Variants in CAAP1 observed in about 807,000 individuals in gnomAD.
CAAP1 encodes conserved anti-apoptotic protein.
In CAAP1, 20 loss-of-function variants were observed where a neutral mutation model predicts 34.0. The observed-to-expected ratio is 0.59, with a 90% CI of 0.41 to 0.86. The LOEUF is 0.86. Ranked by LOEUF, CAAP1 falls within the 40% of genes least tolerant of loss-of-function variation. The probability of loss-of-function intolerance (pLI) is 0.00; values close to 1 mark genes in which losing one functional copy is unlikely to be tolerated. For missense variants in CAAP1, 538 were observed against 450.5 expected, an observed-to-expected ratio of 1.19 and a Z score of -1.76; for synonymous variants, 213 against 166.7, an observed-to-expected ratio of 1.28 and a Z score of -2.14.
intron 5 of CAAP1, among the ~76,000 whole-genome samples, chr9:26,856,491 A>C (rs1822872926): frequency 6.6e-6 from 1 of 152,254 alleles, no homozygotes; most frequent in Non-Finnish European, 1.5e-5. Flanking sequence ...CTTCCTAAGT[A>C]CAAACAATGC....
intron 1 of CAAP1, among the ~76,000 whole-genome samples, chr9:26,891,885 T>C (rs1281120924): frequency 1.3e-5 from 2 of 152,232 alleles, no homozygotes. Context: ...TTATGAACTT[T>C]TTTAAAACGG....
In CAAP1 at chr9:26,841,923, T is replaced by C. The variant is rs1822489050; in HGVS notation, c.*378A>G. 2 of 158,198 alleles carry C rather than the reference T, an allele frequency of 1.3e-5. No homozygotes were observed. Among genetic ancestry groups the C allele is most frequent in the Non-Finnish European group, 2.8e-5 (2 of 72,374 alleles). The allele number at this position is 158,198 out of a possible 1,614,324, so 9.8% of individuals were successfully genotyped here. A position where few individuals can be genotyped will look rare whatever the true frequency, so the allele number is the denominator to read the frequency against. On this transcript the variant is annotated 3_prime_UTR_variant, in exon 6 of 6. Transcript: ENST00000333916. ...TTAATATTGTATTGTAAAATACAAG[T>C]AGCCTTAAGAGAAACATGCTTCGTC...
At chr9:26,846,202 AGG>A in intron 5 of CAAP1, among the ~76,000 whole-genome samples, 1 of 152,128 alleles carries the variant, frequency 6.6e-6, no homozygotes, top group African/African-American at 2.4e-5. Flanking sequence ...GTGGATCACA[AGG>A]TCAGGAGTTC....
At chr9:26,869,805 A>T in intron 4 of CAAP1, 1 of 258,016 alleles carries the variant, frequency 3.9e-6, no homozygotes, top group Non-Finnish European at 6.1e-6. Flanking sequence ...CACTGTGAAC[A>T]TTAGTGAATT....
intron 4 of CAAP1, among the ~76,000 whole-genome samples, chr9:26,863,755 C>T (rs1254907167): frequency 7.0e-6 from 1 of 142,380 alleles, no homozygotes; most frequent in African/African-American, 2.6e-5. Context: ...TATCTTTGTG[C>T]TCCCTTCCGT....
chr9:26,861,029 G>A, intron 5 of CAAP1, 37 bp downstream of exon 5: 1 of 1,421,234 alleles, frequency 7.0e-7, no homozygotes, highest in Non-Finnish European at 9.9e-7. Context: ...TATTCTTCAG[G>A]TAAATTTTAT....
Position 26,842,620 on chromosome 9 carries a change from C to G in CAAP1, c.767G>C (p.Ser256Thr). 1 of 1,612,388 alleles carries G rather than the reference C, an allele frequency of 6.2e-7. No homozygotes were observed. Among genetic ancestry groups the G allele is most frequent in the East Asian group, 2.2e-5 (1 of 44,886 alleles). Residue 256 changes from serine to threonine, a missense_variant, in exon 6 of 6, where the codon AGT becomes ACT. Physicochemically the swap from Ser to Thr is moderately conservative, Grantham distance 58. Around this residue, in one of 3 missense-constraint regions of CAAP1, gnomAD observed 514 missense variants for 408.4 expected, o/e 1.26. Coordinates refer to ENST00000333916, the MANE Select transcript of CAAP1 (RefSeq NM_024828.4). ...GCTGTCATAAGCATCTGCATTTATA[C>G]TGAGTACATCACTATCTTCCCCTTT... Reference protein sequence around the residue: ...QGKGEDSDVLSINADAYDSDI... With the variant: ...QGKGEDSDVLTINADAYDSDI...
chr9:26,889,911 T>C (rs1823858806), intron 1 of CAAP1, among the ~76,000 whole-genome samples: 1 of 145,986 alleles, frequency 6.8e-6, no homozygotes, highest in South Asian at 2.2e-4. Context: ...ACACAACAGA[T>C]ATAATGGCAC....
At chr9:26,878,839 C>T (rs1442576197) in intron 4 of CAAP1, among the ~76,000 whole-genome samples, 1 of 152,004 alleles carries the variant, frequency 6.6e-6, no homozygotes, top group Non-Finnish European at 1.5e-5. Flanking sequence ...CAACGCTTTC[C>T]TCTAGGATCT....
chr9:26,890,665 G>T (rs1403011012), intron 1 of CAAP1, among the ~76,000 whole-genome samples: 1 of 152,168 alleles, frequency 6.6e-6, no homozygotes, highest in African/African-American at 2.4e-5. Context: ...ATAAAAGTTG[G>T]CCGGGCACGG....
intron 5 of CAAP1, among the ~76,000 whole-genome samples, chr9:26,848,124 C>T (rs894945420): frequency 8.5e-5 from 13 of 152,130 alleles, no homozygotes; most frequent in African/African-American, 2.4e-4. Context: ...ATTATCAACT[C>T]GAATATTTAT....
intron 5 of CAAP1, among the ~76,000 whole-genome samples, chr9:26,851,890 A>C (rs1284075838): frequency 6.6e-6 from 1 of 152,086 alleles, no homozygotes; most frequent in African/African-American, 2.4e-5. Flanking sequence ...AGTGCTCCAT[A>C]ATCTACCCAT....
chr9:26,882,856 A>G (rs1422955356), intron 4 of CAAP1, among the ~76,000 whole-genome samples: 1 of 152,188 alleles, frequency 6.6e-6, no homozygotes, highest in Non-Finnish European at 1.5e-5. Context: ...GATGTGAGAC[A>G]TGGAGTCAAA....
chr9:26,846,779 C>T (rs1269960932), intron 5 of CAAP1, among the ~76,000 whole-genome samples: 1 of 152,086 alleles, frequency 6.6e-6, no homozygotes, highest in African/African-American at 2.4e-5. Context: ...CCTCCACCTC[C>T]CAGGTTCAAG....
chr9:26,852,381 G>A (rs1822773110), intron 5 of CAAP1, among the ~76,000 whole-genome samples: 1 of 151,962 alleles, frequency 6.6e-6, no homozygotes, highest in African/African-American at 2.4e-5. Flanking sequence ...CTTGAACCCG[G>A]GAGGCGGAGG....
rs562017582 is a variant in CAAP1 at position 26,886,057 on chromosome 9, T to C, written c.589+47A>G. 74 of 895,602 alleles carry C rather than the reference T, an allele frequency of 8.3e-5. 1 individual carries two copies. The South Asian group carries it at 1.3e-3, about 16-fold the overall frequency. The allele number at this position is 895,602 out of a possible 1,614,324, so 55.5% of individuals were successfully genotyped here. A position where few individuals can be genotyped will look rare whatever the true frequency, so the allele number is the denominator to read the frequency against. On this transcript the variant is annotated intron_variant, in intron 3 of 5. Coordinates refer to ENST00000333916, the MANE Select transcript of CAAP1 (RefSeq NM_024828.4). The stretch of plus-strand genomic sequence containing the variant: ...AATACCTCAGGATTTATGCTGAATA[T>C]AGTATTAACTAAGAAGTTGCCAGAA...
At chr9:26,866,802 T>C (rs1210341136) in intron 4 of CAAP1, among the ~76,000 whole-genome samples, 3 of 152,148 alleles carry the variant, frequency 2.0e-5, no homozygotes, top group South Asian at 2.1e-4. Flanking sequence ...TAAAAATCTA[T>C]TATCTCTCAA....
At chr9:26,886,425 A>G (rs1409340051) in intron 2 of CAAP1, among the ~76,000 whole-genome samples, 2 of 152,194 alleles carry the variant, frequency 1.3e-5, no homozygotes, top group Non-Finnish European at 2.9e-5. Flanking sequence ...CAAAGAAAAA[A>G]ACTAAAGAGT....
rs537070109 is a variant in CAAP1, at chr9:26,863,119, C to T, written c.666-1980G>A. 2.5e-3 allele frequency among the ~76,000 whole-genome samples: 376 copies of T among 152,186 alleles called. 2 individuals carry two copies. Among genetic ancestry groups the T allele is most frequent in the African/African-American group, 8.8e-3 (364 of 41,540 alleles). On this transcript the variant is annotated intron_variant, in intron 4 of 5. Coordinates refer to ENST00000333916, the MANE Select transcript of CAAP1 (RefSeq NM_024828.4). ...CCTTCCCTATGAAAGCCTCTTAGAGCCCCTTTAAATAAAAATTGGACCCCT... is the reference window on the plus strand; with the variant it reads ...CCTTCCCTATGAAAGCCTCTTAGAGTCCCTTTAAATAAAAATTGGACCCCT...
Sources: gnomAD v4.1 joint callset for allele counts (sites outside exome capture counted in the v4.1 genomes callset) on GRCh38, gnomAD v4.1.1 for gene constraint, gnomAD v4.1.1 regional missense constraint, MANE v1.5 for transcripts, NCBI Gene and HGNC (gene_info 2026-07-23, HGNC 2026-07-21) for gene names.